Variants in NOTCH4 observed in about 807,000 individuals in gnomAD.
The protein encoded by NOTCH4 is notch receptor 4.
In NOTCH4, 138 loss-of-function variants were observed where a neutral mutation model predicts 189.0. The ratio of observed to expected loss-of-function variants is 0.73; its 90% CI spans 0.64 to 0.84. The LOEUF is 0.84. Ranked by LOEUF, NOTCH4 falls within the 40% of genes least tolerant of loss-of-function variation. The pLI is 0.00. For synonymous variants in NOTCH4, 942 were observed against 1,032.8 expected, an observed-to-expected ratio of 0.91 and a Z score of 1.69; for missense variants, 2,286 against 2,605.4, an observed-to-expected ratio of 0.88 and a Z score of 2.67.
chr6:32,202,700 T>C lies in NOTCH4; in HGVS notation c.3232-101A>G. On this transcript the variant is annotated intron_variant, in intron 20 of 29. Transcript: ENST00000375023. This position sits in a 1 kb window ranked among gnomAD's most constrained non-coding sequence, Gnocchi z 5.7. ...TTAAGACGGTGCAGAGGGTCCTAGA[T>C]TCTCATATCTAAAAGGCGCCTCAGA... The C allele has an allele frequency of 8.8e-7, 1 of 1,131,054 alleles. No homozygotes were observed. The highest frequency in any genetic ancestry group is 1.2e-6 in the Non-Finnish European group (1 of 822,054). The allele number at this position is 1,131,054 out of a possible 1,614,324, so 70.1% of individuals were successfully genotyped here.
In NOTCH4 at chr6:32,197,588, A is replaced by AC; in HGVS notation, c.4762dup (p.Val1588GlyfsTer27). On this transcript the variant is annotated frameshift_variant, in exon 27 of 30. Transcript: ENST00000375023. LOFTEE classifies it high-confidence loss of function. ...GCAAACTGCTGACATCAGGGGTGTC[A>AC]CCCCATCTGTTGGTAAGACAGAGTA... The AC allele has an allele frequency of 6.2e-7, 1 of 1,609,878 alleles. No individual in the cohort carries two copies. Among genetic ancestry groups the AC allele is most frequent in the African/African-American group, 1.3e-5 (1 of 74,868 alleles).
At chr6:32,215,795 C>A in intron 11 of NOTCH4, 1 of 166,924 alleles carries the variant, frequency 6.0e-6, no homozygotes. Flanking sequence ...TCTCTTTCCT[C>A]ATTTCCTCCT....
At chr6:32,196,213 C>T in intron 29 of NOTCH4, 63 bp from the exon 30 acceptor site, 2 of 1,604,400 alleles carry the variant, frequency 1.2e-6, no homozygotes, top group Non-Finnish European at 1.7e-6. Flanking sequence ...GGCCTTTCTG[C>T]CTTCACTTGC....
At chr6:32,207,251 G>A (rs1788737510) in intron 18 of NOTCH4, among the ~76,000 whole-genome samples, 1 of 151,128 alleles carries the variant, frequency 6.6e-6, no homozygotes, top group Non-Finnish European at 1.5e-5. Context: ...TTCAACAAAG[G>A]CACCAAGTAC....
intron 20 of NOTCH4, 76 bp downstream of exon 20, chr6:32,203,694 T>A: frequency 2.7e-6 from 3 of 1,092,162 alleles, no homozygotes; most frequent in Non-Finnish European, 4.0e-6. Flanking sequence ...CACAGTCCCT[T>A]CTGGGATTCC....
rs1788407632 is a variant in NOTCH4 at position 32,202,369 on chromosome 6, G to A, written c.3462C>T (p.Gly1154=). 4 of 1,612,710 alleles carry A rather than the reference G, an allele frequency of 2.5e-6. 1 individual carries two copies. The highest frequency in any genetic ancestry group is 2.2e-5 in the South Asian group (2 of 91,054). The part of the protein sequence containing the change: ...GSCSETTGLG[G]PGFRCSCPHS... Reference sequence around the variant, plus strand: ...GAGGGCAGGAGCATCGAAAGCCTGGGCCCCCCAAGCCCGTGGTCTCTGAGC... The same window carrying A: ...GAGGGCAGGAGCATCGAAAGCCTGGACCCCCCAAGCCCGTGGTCTCTGAGC... Residue 1154 remains glycine (G), a synonymous_variant, in exon 21 of 30, where the codon GGC becomes GGT. Transcript: ENST00000375023. This position sits in a 1 kb window ranked among gnomAD's most constrained non-coding sequence, Gnocchi z 5.7.
At position 32,204,323 on chromosome 6, in the gene NOTCH4, G is replaced by T. The variant is rs770169260; in HGVS notation, c.2932C>A (p.His978Asn). 6.2e-7 allele frequency: 1 copy of T among 1,613,038 alleles called. No individual in the cohort carries two copies. The highest frequency in any genetic ancestry group is 1.1e-5 in the South Asian group (1 of 91,082). ...ELDACQSQPC[H>N]NHGTCTPKPG... The stretch of plus-strand genomic sequence containing the variant: ...TTGGGAGTACAGGTTCCATGGTTGT[G>T]ACAGGGTTGGGACTGACAAGCATCG... Residue 978 changes from histidine to asparagine, a missense_variant, in exon 19 of 30, where the codon CAC becomes AAC. His to Asn is a moderately conservative substitution (Grantham distance 68). Around this residue, in one of 2 missense-constraint regions of NOTCH4, gnomAD observed 1,903 missense variants for 2,261.9 expected, o/e 0.84. Coordinates refer to ENST00000375023, the MANE Select transcript of NOTCH4 (RefSeq NM_004557.4).
chr6:32,200,782 G>C lies in NOTCH4; in HGVS notation c.4315+49C>G, dbSNP rs756335804. 1 of 1,480,518 alleles carries C rather than the reference G, an allele frequency of 6.8e-7. No homozygotes were observed. Among genetic ancestry groups the C allele is most frequent in the Admixed American group, 2.2e-5 (1 of 45,818 alleles). 91.7% of individuals were successfully genotyped at this position (1,480,518 alleles called of 1,614,324 possible). On this transcript the variant is annotated intron_variant, in intron 23 of 29. Coordinates refer to ENST00000375023, the MANE Select transcript of NOTCH4 (RefSeq NM_004557.4). The surrounding 1 kb of genome is among the most constrained non-coding windows in gnomAD (Gnocchi z 5.0). ...CCTCCATTGCCTGTTGCTAGCATGA[G>C]AGCTGGCCTGGGAACAGAGGTCAGA...
Position 32,215,224 on chromosome 6 carries a change from A to C in NOTCH4, c.2021+2T>G, listed in dbSNP as rs143104204. ...AGATGGGGAGGGTCTGGAAGATGTT[A>C]CCTCTGGCAGTGCCCGTGGTGGCAG... On this transcript the variant is annotated splice_donor_variant, in intron 12 of 29. Coordinates refer to ENST00000375023, the MANE Select transcript of NOTCH4 (RefSeq NM_004557.4). LOFTEE classifies it high-confidence loss of function. 7.5e-6 allele frequency: 12 copies of C among 1,593,190 alleles called. No individual in the cohort carries two copies. Among genetic ancestry groups the C allele is most frequent in the Non-Finnish European group, 1.0e-5 (12 of 1,171,586 alleles).
Position 32,211,084 on chromosome 6 carries a change from C to T in NOTCH4, c.2681-148G>A, listed in dbSNP as rs1405972014. On this transcript the variant is annotated intron_variant, in intron 17 of 29. Transcript: ENST00000375023. ...GACCAGCCTGGCAAACATGGGGAAA[C>T]CCCGTCTCTACTAAAAATACAAAAA... The T allele has an allele frequency of 5.7e-6, 4 of 705,696 alleles. No individual in the cohort carries two copies. In the East Asian group the frequency reaches 9.3e-5, roughly 16 times the overall value. The allele number at this position is 705,696 out of a possible 1,614,324, so 43.7% of individuals were successfully genotyped here. A position where few individuals can be genotyped will look rare whatever the true frequency, so the allele number is the denominator to read the frequency against.
chr6:32,204,782 C>T (rs930634758), intron 18 of NOTCH4, among the ~76,000 whole-genome samples: 1 of 152,178 alleles, frequency 6.6e-6, no homozygotes, highest in Non-Finnish European at 1.5e-5. Context: ...AAGTTAGAAC[C>T]CATTCCTATT....
chr6:32,215,631 T>G (rs1204851785), intron 11 of NOTCH4, among the ~76,000 whole-genome samples: 2 of 152,246 alleles, frequency 1.3e-5, no homozygotes, highest in Non-Finnish European at 2.9e-5. Flanking sequence ...ATCTTTGCCT[T>G]GCTGTACCCT....
Position 32,217,852 on chromosome 6 carries a change from T to C in NOTCH4, c.1624+143A>G. 1 of 622,910 alleles carries C rather than the reference T, an allele frequency of 1.6e-6. No homozygotes were observed. The highest frequency in any genetic ancestry group is 2.9e-6 in the Non-Finnish European group (1 of 343,218). 38.6% of individuals were successfully genotyped at this position (622,910 alleles called of 1,614,324 possible). A position where few individuals can be genotyped will look rare whatever the true frequency, so the allele number is the denominator to read the frequency against. ...AGATTTGGGGATGTAAGAGTAGAGA[T>C]TTTGGGGAGCAAAGACAGATTTGGA... On this transcript the variant is annotated intron_variant, in intron 9 of 29. Transcript: ENST00000375023. This position sits in a 1 kb window ranked among gnomAD's most constrained non-coding sequence, Gnocchi z 4.2.
chr6:32,222,901 C>T, intron 2 of NOTCH4, 95 bp from the exon 3 acceptor site: 1 of 1,549,848 alleles, frequency 6.5e-7, no homozygotes, highest in Non-Finnish European at 8.9e-7. Context: ...CCTTCATCTC[C>T]TTCACTTCCT....
chr6:32,197,055 T>C lies in NOTCH4; in HGVS notation c.5070A>G (p.Arg1690=). Residue 1690 remains arginine (R), a synonymous_variant, in exon 28 of 30, where the codon AGA becomes AGG. Coordinates refer to ENST00000375023, the MANE Select transcript of NOTCH4 (RefSeq NM_004557.4). ...REVCQLLLRS[R]QTAVDARTED... Reference sequence around the variant, plus strand: ...CTGTGCGAGCGTCCACTGCAGTTTGTCTGCTACGGAGCAGAAGCTGGGGAG... The same window carrying C: ...CTGTGCGAGCGTCCACTGCAGTTTGCCTGCTACGGAGCAGAAGCTGGGGAG... The C allele has an allele frequency of 6.2e-7, 1 of 1,612,696 alleles. No individual in the cohort carries two copies. The highest frequency in any genetic ancestry group is 8.5e-7 in the Non-Finnish European group (1 of 1,180,010).
rs1222074439 is a variant in NOTCH4, at chr6:32,212,191, C to G, written c.2680+283G>C. On this transcript the variant is annotated intron_variant, in intron 17 of 29. Transcript: ENST00000375023. This position sits in a 1 kb window ranked among gnomAD's most constrained non-coding sequence, Gnocchi z 4.4. ...ATGATCAGGACAGAGTTGAGTTGCT[C>G]CACGTTGAGTCATGTCCCTCATGGT... Among the ~76,000 whole-genome samples, 5 of 152,118 alleles carry G rather than the reference C, an allele frequency of 3.3e-5. No individual in the cohort carries two copies. The East Asian group carries it at 7.7e-4, about 23-fold the overall frequency.
chr6:32,221,046 G>A lies in NOTCH4; in HGVS notation c.731C>T (p.Ser244Leu), dbSNP rs8192585. The part of the protein sequence containing the change: ...RAGPCPPRGC[S>L]NGGTCQLMPE... Reference sequence around the variant, plus strand: ...CATCAGCTGGCAGGTGCCCCCATTCGAACAGCCCCTAGGAGGGCAGGGTCC... The same window carrying A: ...CATCAGCTGGCAGGTGCCCCCATTCAAACAGCCCCTAGGAGGGCAGGGTCC... Residue 244 changes from serine to leucine, a missense_variant, in exon 4 of 30, where the codon TCG becomes TTG. Around this residue, in one of 2 missense-constraint regions of NOTCH4, gnomAD observed 1,903 missense variants for 2,261.9 expected, o/e 0.84. Transcript: ENST00000375023. This position sits in a 1 kb window ranked among gnomAD's most constrained non-coding sequence, Gnocchi z 4.3. 66,157 of 1,611,614 alleles carry A rather than the reference G, an allele frequency of 0.041. 1,522 individuals carry two copies. Among genetic ancestry groups the A allele is most frequent in the Non-Finnish European group, 0.045 (52,884 of 1,178,668 alleles).
At chr6:32,214,484 T>TAC (rs9281674) in intron 12 of NOTCH4, among the ~76,000 whole-genome samples, 66,511 of 140,850 alleles carry the variant, frequency 0.47, 16,402 homozygotes, top group South Asian at 0.56. Context: ...TATATATATA[T>TAC]ACACACATAT....
chr6:32,213,314 T>C, intron 14 of NOTCH4, 62 bp from the exon 15 acceptor site: 2 of 1,134,282 alleles, frequency 1.8e-6, no homozygotes, highest in Non-Finnish European at 2.7e-6. Context: ...GTGACCTCAG[T>C]CACACTGTAC....
Sources: gnomAD v4.1 joint callset for allele counts (sites outside exome capture counted in the v4.1 genomes callset) on GRCh38, gnomAD v4.1.1 for gene constraint, gnomAD v4.1.1 regional missense constraint, Gnocchi (gnomAD v3.1) non-coding constraint, MANE v1.5 for transcripts, NCBI Gene and HGNC (gene_info 2026-07-23, HGNC 2026-07-21) for gene names.